Variants in ASTN1 observed in about 807,000 individuals in gnomAD.
ASTN1 encodes astrotactin-1.
Under a neutral mutation model 140.7 loss-of-function variants are expected in ASTN1, and 41 were observed. The ratio of observed to expected loss-of-function variants is 0.29; its 90% CI spans 0.23 to 0.38. ASTN1 has a LOEUF of 0.38. ASTN1 is among the 10% of genes least tolerant of loss of function. ASTN1 has a pLI of 1.00. For missense variants in ASTN1, 1,479 were observed against 1,678.8 expected, an observed-to-expected ratio of 0.88 and a Z score of 2.08; for synonymous variants, 640 against 652.2, an observed-to-expected ratio of 0.98 and a Z score of 0.29.
At chr1:177,158,198 A>T (rs1553264937) in intron 1 of ASTN1, among the ~76,000 whole-genome samples, 1 of 152,210 alleles carries the variant, frequency 6.6e-6, no homozygotes, top group Non-Finnish European at 1.5e-5. Context: ...CAACAATTTG[A>T]TTGTTTGTTC....
intron 8 of ASTN1, among the ~76,000 whole-genome samples, chr1:176,980,648 G>T (rs1673570394): frequency 6.6e-6 from 1 of 152,068 alleles, no homozygotes; most frequent in South Asian, 2.1e-4. Context: ...TGATGACACT[G>T]GGAAATAAGA....
chr1:177,135,190 T>G (rs1682132098), intron 1 of ASTN1, among the ~76,000 whole-genome samples: 1 of 152,116 alleles, frequency 6.6e-6, no homozygotes, highest in Non-Finnish European at 1.5e-5. Flanking sequence ...GTGCATTTCA[T>G]CACATCAGTA....
intron 1 of ASTN1, among the ~76,000 whole-genome samples, chr1:177,135,612 C>T (rs957344189): frequency 1.3e-5 from 2 of 152,074 alleles, no homozygotes; most frequent in South Asian, 2.1e-4. Context: ...CTGGGGGGTA[C>T]GGGAAGAGGG....
At chr1:177,070,971 TC>T (rs1345677083) in intron 1 of ASTN1, among the ~76,000 whole-genome samples, 1 of 152,184 alleles carries the variant, frequency 6.6e-6, no homozygotes, top group Non-Finnish European at 1.5e-5. Context: ...CTCACATAAA[TC>T]CTAAAATTGA....
chr1:177,135,689 C>G (rs916966827), intron 1 of ASTN1, among the ~76,000 whole-genome samples: 3 of 152,182 alleles, frequency 2.0e-5, no homozygotes, highest in African/African-American at 7.2e-5. Flanking sequence ...CATGACTGCT[C>G]TAGAGTCTCC....
At chr1:176,926,133 ATTAC>A (rs1670958652) in intron 16 of ASTN1, among the ~76,000 whole-genome samples, 1 of 152,000 alleles carries the variant, frequency 6.6e-6, no homozygotes, top group Admixed American at 6.6e-5. Context: ...TCCTGACTCT[ATTAC>A]TTACTATTTC....
At chr1:177,118,808 C>G (rs1174400979) in intron 1 of ASTN1, among the ~76,000 whole-genome samples, 1 of 152,136 alleles carries the variant, frequency 6.6e-6, no homozygotes, top group Non-Finnish European at 1.5e-5. Flanking sequence ...GCTGTTGGTC[C>G]ACTACATCAA....
At chr1:177,129,222 T>C (rs1168676059) in intron 1 of ASTN1, among the ~76,000 whole-genome samples, 4 of 152,204 alleles carry the variant, frequency 2.6e-5, no homozygotes, top group East Asian at 1.9e-4. Flanking sequence ...TGTCAGTTCC[T>C]GGGCTATATA....
intron 8 of ASTN1, among the ~76,000 whole-genome samples, chr1:176,990,238 T>TG (rs1186691996): frequency 0.041 from 489 of 12,068 alleles, 1 homozygote; most frequent in Non-Finnish European, 0.063. Flanking sequence ...ACAGCAGGGG[T>TG]GGGGGGGTGG....
intron 12 of ASTN1, among the ~76,000 whole-genome samples, chr1:176,947,973 G>C (rs192102663): frequency 6.6e-6 from 1 of 152,294 alleles, no homozygotes; most frequent in East Asian, 1.9e-4. Flanking sequence ...TAACATTACA[G>C]AGAATATTAA....
At chr1:177,062,292 G>A (rs146437232) in intron 1 of ASTN1, among the ~76,000 whole-genome samples, 1 of 151,386 alleles carries the variant, frequency 6.6e-6, no homozygotes, top group East Asian at 1.9e-4. Flanking sequence ...CTAGGCTAGA[G>A]AGCACTGGTG....
intron 1 of ASTN1, among the ~76,000 whole-genome samples, chr1:177,136,661 T>C (rs1217791853): frequency 6.6e-6 from 1 of 152,190 alleles, no homozygotes. Context: ...GCTGTGGTTT[T>C]AGTCAGACCT....
rs1310958278 is a variant in ASTN1, at chr1:176,862,404, T to C, written c.*1880A>G. The stretch of plus-strand genomic sequence containing the variant: ...GGAACTAGGGGTCCCAAGGGTGCTC[T>C]AGCTCCAAAGGCTAAGGGCGTACTT... On this transcript the variant is annotated 3_prime_UTR_variant, in exon 23 of 23. Coordinates refer to ENST00000361833, the MANE Select transcript of ASTN1 (RefSeq NM_004319.3). 9 of 985,368 alleles carry C rather than the reference T, an allele frequency of 9.1e-6. No individual in the cohort carries two copies. The highest frequency in any genetic ancestry group is 1.1e-4 in the East Asian group (1 of 8,808). The allele number at this position is 985,368 out of a possible 1,614,324, so 61.0% of individuals were successfully genotyped here.
chr1:177,026,784 C>T (rs1380616243), intron 5 of ASTN1, among the ~76,000 whole-genome samples: 2 of 152,142 alleles, frequency 1.3e-5, no homozygotes, highest in African/African-American at 4.8e-5. Context: ...GGCCTCCATT[C>T]TTTCCATCCC....
intron 2 of ASTN1, among the ~76,000 whole-genome samples, chr1:177,049,943 G>T (rs1677452874): frequency 6.6e-6 from 1 of 152,104 alleles, no homozygotes; most frequent in South Asian, 2.1e-4. Flanking sequence ...GAAAGCCCAG[G>T]GATAATGACT....
rs545432566 is a variant in ASTN1, at chr1:176,918,673, T to G, written c.2671+15479A>C. On this transcript the variant is annotated intron_variant, in intron 16 of 22. Transcript: ENST00000361833. The stretch of plus-strand genomic sequence containing the variant: ...GTCCTTTCCTTTCCATTGCCCAGAT[T>G]ACTGCTTTAGTCAATAAATGGTGTC... Among the ~76,000 whole-genome samples, 3 of 152,346 alleles carry G rather than the reference T, an allele frequency of 2.0e-5. No homozygotes were observed. In the East Asian group the frequency reaches 5.8e-4, roughly 29 times the overall value.
chr1:177,154,787 A>T (rs1212117733), intron 1 of ASTN1, among the ~76,000 whole-genome samples: 1 of 152,132 alleles, frequency 6.6e-6, no homozygotes, highest in Non-Finnish European at 1.5e-5. Flanking sequence ...TCAATAAACG[A>T]CTGGAAGGAG....
chr1:177,083,810 C>T (rs973059935), intron 1 of ASTN1, among the ~76,000 whole-genome samples: 4 of 152,190 alleles, frequency 2.6e-5, no homozygotes, highest in Non-Finnish European at 4.4e-5. Context: ...AAATATAGAA[C>T]TGCCAGGAAG....
intron 8 of ASTN1, among the ~76,000 whole-genome samples, chr1:177,009,662 G>A (rs2101929914): frequency 6.6e-6 from 1 of 152,332 alleles, no homozygotes; most frequent in South Asian, 2.1e-4. Flanking sequence ...GTGAATGTGT[G>A]TGTGCCTGTG....
Sources: allele counts gnomAD v4.1 joint callset (sites outside exome capture counted in the v4.1 genomes callset), GRCh38; gene constraint gnomAD v4.1.1; transcripts MANE v1.5; gene names NCBI Gene and HGNC (gene_info 2026-07-23, HGNC 2026-07-21).